Variants in CTDSPL observed in about 807,000 individuals in gnomAD.
CTDSPL encodes CTD small phosphatase like.
Under a neutral mutation model 30.5 loss-of-function variants are expected in CTDSPL, and 8 were observed. The observed-to-expected ratio is 0.26, with a 90% CI of 0.15 to 0.47. CTDSPL has a LOEUF of 0.47. Among genes scored for constraint, CTDSPL ranks in the 20% least tolerant of loss-of-function variants. CTDSPL has a pLI of 0.99. For synonymous variants in CTDSPL, 110 were observed against 137.9 expected (o/e 0.80, Z 1.42); for missense variants, 248 against 366.1 (o/e 0.68, Z 2.63).
chr3:37,925,201 C>A (rs1475179288), intron 1 of CTDSPL, among the ~76,000 whole-genome samples: 1 of 152,164 alleles, frequency 6.6e-6, no homozygotes, highest in African/African-American at 2.4e-5. Context: ...CCTTGTTTGA[C>A]CCCTCTGAAT....
intron 6 of CTDSPL, among the ~76,000 whole-genome samples, chr3:37,973,266 C>G (rs1421025764): frequency 2.0e-5 from 3 of 152,244 alleles, no homozygotes; most frequent in Non-Finnish European, 4.4e-5. Flanking sequence ...CAACAGTGCT[C>G]TGGGATGCTG....
At position 37,938,835 on chromosome 3, in the gene CTDSPL, C is replaced by T. The variant is rs1162329329; in HGVS notation, c.80-8222C>T. The stretch of plus-strand genomic sequence containing the variant: ...AGCTGGGACTACAGATGCATGCCAC[C>T]ATTTCATGTTTTTAATTACAACACT... On this transcript the variant is annotated intron_variant, in intron 1 of 7. Transcript: ENST00000273179. 4.0e-5 allele frequency among the ~76,000 whole-genome samples: 6 copies of T among 149,374 alleles called. 1 individual carries two copies. The highest frequency in any genetic ancestry group is 3.9e-4 in the East Asian group (2 of 5,124).
At chr3:37,965,928 A>G (rs1699294576) in intron 4 of CTDSPL, among the ~76,000 whole-genome samples, 1 of 152,210 alleles carries the variant, frequency 6.6e-6, no homozygotes, top group Non-Finnish European at 1.5e-5. Flanking sequence ...TCCAGGGGAT[A>G]TGGTGACTTT....
At position 37,967,867 on chromosome 3, in the gene CTDSPL, T is replaced by C. The variant is rs746223652; in HGVS notation, c.411T>C (p.Asp137=). 36 of 1,601,170 alleles carry C rather than the reference T, an allele frequency of 2.2e-5. No individual in the cohort carries two copies. Among genetic ancestry groups the C allele is most frequent in the Non-Finnish European group, 3.1e-5 (36 of 1,176,344 alleles). Residue 137 remains aspartate (D), a synonymous_variant, in exon 5 of 8, where the codon GAT becomes GAC. Transcript: ENST00000273179. Reference sequence around the variant, plus strand: ...ATTTTATTGTTCCGGTTGAAATCGATGGAACTATACATCAGGTAAGAAACT... The same window carrying C: ...ATTTTATTGTTCCGGTTGAAATCGACGGAACTATACATCAGGTAAGAAACT... ...NADFIVPVEI[D]GTIHQVYVLK... is the part of the protein sequence containing the mutation.
intron 1 of CTDSPL, among the ~76,000 whole-genome samples, chr3:37,883,801 G>A (rs1223791189): frequency 2.6e-5 from 4 of 151,998 alleles, no homozygotes; most frequent in Non-Finnish European, 5.9e-5. Context: ...CTTTCTTCTT[G>A]TATTTGTTTT....
intron 1 of CTDSPL, among the ~76,000 whole-genome samples, chr3:37,888,708 C>T (rs2125595381): frequency 6.6e-6 from 1 of 152,296 alleles, no homozygotes; most frequent in East Asian, 1.9e-4. Context: ...ACCAGAAAGC[C>T]AGTTTGTTTG....
intron 1 of CTDSPL, among the ~76,000 whole-genome samples, chr3:37,932,961 T>C (rs897390477): frequency 2.0e-5 from 3 of 152,142 alleles, no homozygotes; most frequent in Non-Finnish European, 2.9e-5. Flanking sequence ...GAGACCAGCC[T>C]GGCCAACATG....
At chr3:37,897,303 G>A (rs1278408511) in intron 1 of CTDSPL, among the ~76,000 whole-genome samples, 1 of 152,122 alleles carries the variant, frequency 6.6e-6, no homozygotes, top group Non-Finnish European at 1.5e-5. Flanking sequence ...GGGCTATAGG[G>A]GGAAGCTTAC....
chr3:37,944,897 A>G (rs559830118), intron 1 of CTDSPL: 20 of 150,640 alleles, frequency 1.3e-4, no homozygotes, highest in African/African-American at 4.8e-4. Context: ...TAGCTTCTGT[A>G]CAGTAAGTAA....
chr3:37,911,910 G>T, intron 1 of CTDSPL: 1 of 287,062 alleles, frequency 3.5e-6, no homozygotes, highest in South Asian at 3.0e-5. Context: ...ATACAAAAAT[G>T]TATTAGCTGG....
chr3:37,876,029 G>T (rs1698130979), intron 1 of CTDSPL, among the ~76,000 whole-genome samples: 1 of 151,924 alleles, frequency 6.6e-6, no homozygotes, highest in South Asian at 2.1e-4. Flanking sequence ...GATCACTGGG[G>T]CCCAGGAGTT....
At chr3:37,921,171 G>A (rs929604776) in intron 1 of CTDSPL, among the ~76,000 whole-genome samples, 11 of 152,174 alleles carry the variant, frequency 7.2e-5, no homozygotes, top group Admixed American at 2.0e-4. Context: ...TTCTGGCAGC[G>A]GGCAGCACAG....
intron 1 of CTDSPL, among the ~76,000 whole-genome samples, chr3:37,931,405 T>G (rs902640496): frequency 4.6e-5 from 7 of 152,164 alleles, no homozygotes; most frequent in African/African-American, 1.4e-4. Context: ...TGCCTCAGCC[T>G]CAGCCTCCCA....
At chr3:37,957,418 C>G (rs12491837) in intron 3 of CTDSPL, among the ~76,000 whole-genome samples, 3 of 152,166 alleles carry the variant, frequency 2.0e-5, no homozygotes, top group Admixed American at 2.0e-4. Context: ...GGAAGGACCT[C>G]CAAGCTGAAC....
intron 3 of CTDSPL, among the ~76,000 whole-genome samples, chr3:37,963,748 A>G (rs76152428): frequency 0.09 from 13,628 of 152,244 alleles, 645 homozygotes; most frequent in South Asian, 0.15. Flanking sequence ...TTAACTCTTT[A>G]TGACTTCTTT....
chr3:37,976,512 G>A (rs1201061173), intron 7 of CTDSPL, among the ~76,000 whole-genome samples: 1 of 151,724 alleles, frequency 6.6e-6, no homozygotes, highest in African/African-American at 2.4e-5. Flanking sequence ...CGCACCTGTA[G>A]TCTCAGCTAC....
At chr3:37,957,501 T>G (rs1316928520) in intron 3 of CTDSPL, among the ~76,000 whole-genome samples, 3 of 152,114 alleles carry the variant, frequency 2.0e-5, no homozygotes, top group African/African-American at 7.2e-5. Flanking sequence ...GGCGGGAACA[T>G]TGTTTTGCCC....
intron 2 of CTDSPL, among the ~76,000 whole-genome samples, chr3:37,947,774 G>A (rs1055248464): frequency 1.3e-5 from 2 of 152,192 alleles, no homozygotes; most frequent in Non-Finnish European, 2.9e-5. Flanking sequence ...TAAACAACCA[G>A]TAGCAGACTC....
intron 1 of CTDSPL, among the ~76,000 whole-genome samples, chr3:37,866,917 T>A (rs1698016739): frequency 6.6e-6 from 1 of 152,252 alleles, no homozygotes; most frequent in South Asian, 2.1e-4. Context: ...TGGAGATAAC[T>A]GTAAATTTAC....
Sources: gnomAD v4.1 joint callset for allele counts (sites outside exome capture counted in the v4.1 genomes callset) on GRCh38, gnomAD v4.1.1 for gene constraint, MANE v1.5 for transcripts, NCBI Gene and HGNC (gene_info 2026-07-23, HGNC 2026-07-21) for gene names.